TBX15: variants seen among roughly 807,000 people sequenced by gnomAD.
TBX15 encodes the protein T-box transcription factor 15, also known as T-box transcription factor TBX15.
A neutral mutation model predicts 53.9 loss-of-function variants in TBX15; 18 were observed. The ratio of observed to expected loss-of-function variants is 0.33; its 90% CI spans 0.23 to 0.49. The LOEUF (loss-of-function observed/expected upper bound fraction) is 0.49. Ranked by LOEUF, TBX15 falls within the 20% of genes least tolerant of loss-of-function variation. The pLI, the probability that TBX15 is intolerant of heterozygous loss-of-function variation, is 0.98. For missense variants in TBX15, 692 were observed against 749.5 expected (o/e 0.92, Z 0.90); for synonymous variants, 295 against 278.0 (o/e 1.06, Z -0.61).
At chr1:118,923,746 T>C in intron 4 of TBX15, 143 bp from the exon 5 acceptor site, 1 of 979,126 alleles carries the variant, frequency 1.0e-6, no homozygotes, top group South Asian at 1.4e-5. Context: ...GAAATCAGTA[T>C]ACTTGCCCAG....
At chr1:118,893,540 TGGAAGGAA>T (rs775989628) in intron 7 of TBX15, among the ~76,000 whole-genome samples, 3 of 29,464 alleles carry the variant, frequency 1.0e-4, no homozygotes, top group Non-Finnish European at 2.0e-4. Context: ...GAAAGAAAGA[TGGAAGGAA>T]GGAAGGAAGG....
intron 1 of TBX15, among the ~76,000 whole-genome samples, chr1:118,985,706 CT>C (rs1557911328): frequency 6.6e-6 from 1 of 152,034 alleles, no homozygotes; most frequent in African/African-American, 2.4e-5. Flanking sequence ...CCATCTTTTT[CT>C]TTTTTAAAAA....
intron 1 of TBX15, among the ~76,000 whole-genome samples, chr1:118,951,593 T>C (rs967867590): frequency 2.0e-5 from 3 of 152,216 alleles, no homozygotes; most frequent in African/African-American, 7.2e-5. Context: ...AAAGGTCACC[T>C]GCTGCAACCA....
chr1:118,914,398 C>T (rs1012075600), intron 5 of TBX15, among the ~76,000 whole-genome samples: 5 of 152,096 alleles, frequency 3.3e-5, no homozygotes, highest in African/African-American at 2.4e-5. Context: ...TAAAATTTGC[C>T]CAGTATGTGA....
At position 118,883,050 on chromosome 1, in the gene TBX15, A is replaced by T. The variant is rs1428660339; in HGVS notation, c.*1682T>A. ...TGTATGAACAAACATGCAGAAAACA[A>T]TTGCAAAGATTTTATTTAGCGGCTT... is the stretch of plus-strand genomic sequence containing the variant. On this transcript the variant is annotated 3_prime_UTR_variant, in exon 8 of 8. Transcript: ENST00000369429. 1 of 152,674 alleles carries T rather than the reference A, an allele frequency of 6.5e-6. No homozygotes were observed. The highest frequency in any genetic ancestry group is 1.5e-5 in the Non-Finnish European group (1 of 68,036). The allele number at this position is 152,674 out of a possible 1,614,324, so 9.5% of individuals were successfully genotyped here.
chr1:118,897,630 A>G (rs1028940674), intron 7 of TBX15, among the ~76,000 whole-genome samples: 4 of 152,220 alleles, frequency 2.6e-5, no homozygotes, highest in Non-Finnish European at 2.9e-5. Flanking sequence ...GAATACTGGC[A>G]TGCAGGAATA....
At chr1:118,954,324 C>T (rs143952236) in intron 1 of TBX15, among the ~76,000 whole-genome samples, 1 of 152,250 alleles carries the variant, frequency 6.6e-6, no homozygotes, top group African/African-American at 2.4e-5. Flanking sequence ...ATATTGAATA[C>T]AACAGATAAA....
intron 1 of TBX15, among the ~76,000 whole-genome samples, chr1:118,972,146 A>G (rs1318877506): frequency 1.1e-4 from 17 of 152,224 alleles, no homozygotes. Flanking sequence ...AGAGGAAACC[A>G]AAAAGACATC....
chr1:118,923,359 AAAT>A (rs1255676257), intron 5 of TBX15, 74 bp downstream of exon 5: 2 of 1,577,340 alleles, frequency 1.3e-6, no homozygotes, highest in African/African-American at 2.7e-5. Context: ...CCCTGAAAGT[AAAT>A]AATACCTAAG....
intron 7 of TBX15, 118 bp from the exon 8 acceptor site, chr1:118,885,634 A>C (rs534696015): frequency 7.7e-7 from 1 of 1,294,534 alleles, no homozygotes; most frequent in Non-Finnish European, 1.1e-6. Flanking sequence ...TGATTTTTAC[A>C]GAACCATTTT....
chr1:118,910,044 A>T (rs1654979147), intron 6 of TBX15, among the ~76,000 whole-genome samples: 1 of 152,180 alleles, frequency 6.6e-6, no homozygotes, highest in Non-Finnish European at 1.5e-5. Flanking sequence ...AGAGACTCTC[A>T]TAGGCATTTG....
chr1:118,922,333 C>G (rs1364317445), intron 5 of TBX15, among the ~76,000 whole-genome samples: 1 of 152,182 alleles, frequency 6.6e-6, no homozygotes, highest in Non-Finnish European at 1.5e-5. Context: ...GAACAATGCA[C>G]TTTTTCCTTA....
chr1:118,900,969 G>T (rs181744838), intron 6 of TBX15, among the ~76,000 whole-genome samples: 2 of 152,130 alleles, frequency 1.3e-5, no homozygotes, highest in South Asian at 2.1e-4. Flanking sequence ...ATGTACTGAT[G>T]ATGAGGACAA....
intron 1 of TBX15, among the ~76,000 whole-genome samples, chr1:118,933,471 A>G (rs959378338): frequency 6.7e-6 from 1 of 148,900 alleles, no homozygotes; most frequent in African/African-American, 2.4e-5. Context: ...CACAAAAAAA[A>G]AAAACTATAA....
At chr1:118,966,401 T>C (rs934566906) in intron 1 of TBX15, among the ~76,000 whole-genome samples, 19 of 152,208 alleles carry the variant, frequency 1.2e-4, no homozygotes, top group Admixed American at 3.9e-4. Context: ...CACTGGCTCC[T>C]CAAAAAAAAG....
intron 1 of TBX15, among the ~76,000 whole-genome samples, chr1:118,979,033 A>G (rs952070044): frequency 1.3e-5 from 2 of 152,168 alleles, no homozygotes; most frequent in African/African-American, 2.4e-5. Context: ...TAGGTTTACA[A>G]TTCGGAGCCC....
At chr1:118,919,770 C>T (rs1445502580) in intron 5 of TBX15, among the ~76,000 whole-genome samples, 1 of 152,160 alleles carries the variant, frequency 6.6e-6, no homozygotes, top group African/African-American at 2.4e-5. Flanking sequence ...TCTAATCCCC[C>T]TCCCATTATT....
At position 118,924,895 on chromosome 1, in the gene TBX15, AG is replaced by A. The variant is rs1250913501; in HGVS notation, c.522-79del. ...AGAGGCCCAGGAAACAAGTTGAGAC[AG>A]GGGAAAGGAGAGAAAAACAAAGAGA... On this transcript the variant is annotated intron_variant, in intron 3 of 7. Coordinates refer to ENST00000369429, the MANE Select transcript of TBX15 (RefSeq NM_001330677.2). 3 of 1,504,944 alleles carry A rather than the reference AG, an allele frequency of 2.0e-6. No individual in the cohort carries two copies. In the African/African-American group the frequency reaches 4.1e-5, roughly 21 times the overall value. 93.2% of individuals were successfully genotyped at this position (1,504,944 alleles called of 1,614,324 possible).
chr1:118,940,867 A>T (rs77481731), intron 1 of TBX15, among the ~76,000 whole-genome samples: 2,313 of 152,054 alleles, frequency 0.015, 95 homozygotes, highest in African/African-American at 0.053. Context: ...AATATTCGTG[A>T]TGAACACACA....
Sources: gnomAD v4.1 joint callset for allele counts (sites outside exome capture counted in the v4.1 genomes callset) on GRCh38, gnomAD v4.1.1 for gene constraint, MANE v1.5 for transcripts, NCBI Gene and HGNC (gene_info 2026-07-23, HGNC 2026-07-21) for gene names.